Variants in ACAP1 observed in about 807,000 individuals in gnomAD.
ACAP1 encodes the protein arf-GAP with coiled-coil, ANK repeat and PH domain-containing protein 1.
A neutral mutation model predicts 98.8 loss-of-function variants in ACAP1; 45 were observed. The ratio of observed to expected loss-of-function variants is 0.46; its 90% CI spans 0.36 to 0.58. ACAP1 has a LOEUF of 0.58. Ranked by LOEUF, ACAP1 falls within the 20% of genes least tolerant of loss-of-function variation. ACAP1 has a pLI of 0.00. For synonymous variants in ACAP1, 362 were observed against 375.3 expected, an observed-to-expected ratio of 0.96 and a Z score of 0.41; for missense variants, 735 against 971.4, an observed-to-expected ratio of 0.76 and a Z score of 3.24.
chr17:7,342,755 A>G, intron 5 of ACAP1: 1 of 470,328 alleles, frequency 2.1e-6, no homozygotes, highest in Non-Finnish European at 3.9e-6. Context: ...ACGAAAAAAA[A>G]AAATTAGCCG....
chr17:7,338,581 A>G (rs80241874), intron 2 of ACAP1, among the ~76,000 whole-genome samples: 2,187 of 151,880 alleles, frequency 0.014, 58 homozygotes, highest in African/African-American at 0.05. Context: ...ATAATTTTAA[A>G]CAATGGACTG....
At chr17:7,342,765 G>A (rs918208749) in intron 5 of ACAP1, 13 of 449,458 alleles carry the variant, frequency 2.9e-5, no homozygotes, top group South Asian at 8.7e-5. Flanking sequence ...AAAATTAGCC[G>A]GGCATGGTGG....
intron 2 of ACAP1, among the ~76,000 whole-genome samples, 183 bp from the exon 3 acceptor site, chr17:7,341,765 A>T (rs904732560): frequency 6.6e-6 from 1 of 152,234 alleles, no homozygotes; most frequent in Admixed American, 6.5e-5. Context: ...AGACGCAGCG[A>T]TAAGAACACA....
Position 7,350,970 on chromosome 17 carries a change from G to C in ACAP1, c.2093G>C (p.Arg698Thr). The stretch of plus-strand genomic sequence containing the variant: ...TTCAGGCTACGACTGGCAAAGATGA[G>C]GGAGGCTGAAGCGGCCCAGGGGCAG... Reference protein sequence around the residue: ...IVTLLRLAKMREAEAAQGQAG... With the variant: ...IVTLLRLAKMTEAEAAQGQAG... The change falls in exon 21 of 22, where the codon AGG (arginine) becomes ACG (threonine). Residue 698 changes from arginine (R) to threonine (T), a missense_variant. By Grantham distance (71) the Arg-to-Thr change is moderately conservative (BLOSUM62 -1). Coordinates refer to ENST00000158762, the MANE Select transcript of ACAP1 (RefSeq NM_014716.4). The surrounding 1 kb of genome is among the most constrained non-coding windows in gnomAD (Gnocchi z 4.6). 6.2e-7 allele frequency: 1 copy of C among 1,614,176 alleles called. No individual in the cohort carries two copies. Among genetic ancestry groups the C allele is most frequent in the Non-Finnish European group, 8.5e-7 (1 of 1,180,010 alleles).
chr17:7,343,488 G>A lies in ACAP1; in HGVS notation c.454G>A (p.Ala152Thr), dbSNP rs923081541. ...AEVPRRRAQE[A>T]EEAGAALRTA... The stretch of plus-strand genomic sequence containing the variant: ...GGTTCCCAGGCGCCGGGCCCAGGAG[G>A]CAGAAGAGGCAGGAGCTGCTTTGAG... Residue 152 changes from alanine (A) to threonine (T), a missense_variant, in exon 6 of 22, where the codon GCA (alanine) becomes ACA (threonine). Around this residue, in one of 5 missense-constraint regions of ACAP1, gnomAD observed 430 missense variants for 531.8 expected, o/e 0.81. Coordinates refer to ENST00000158762, the MANE Select transcript of ACAP1 (RefSeq NM_014716.4). This position sits in a 1 kb window ranked among gnomAD's most constrained non-coding sequence, Gnocchi z 4.9. 4 of 1,614,138 alleles carry A rather than the reference G, an allele frequency of 2.5e-6. No homozygotes were observed. Among genetic ancestry groups the A allele is most frequent in the Non-Finnish European group, 3.4e-6 (4 of 1,179,994 alleles).
At chr17:7,349,280 C>T in intron 18 of ACAP1, 113 bp downstream of exon 18, 1 of 1,170,834 alleles carries the variant, frequency 8.5e-7, no homozygotes, top group Middle Eastern at 2.5e-4. Context: ...GGCTTCCACC[C>T]ATAGGGAGAG....
chr17:7,349,378 AC>A (rs1305798768), intron 18 of ACAP1: 2 of 490,548 alleles, frequency 4.1e-6, no homozygotes, highest in Non-Finnish European at 7.1e-6. Context: ...CTTACAGGAG[AC>A]TTTTTTTTTT....
chr17:7,347,341 T>A, intron 14 of ACAP1, 99 bp downstream of exon 14: 2 of 1,179,030 alleles, frequency 1.7e-6, no homozygotes, highest in Non-Finnish European at 2.4e-6. Context: ...TTCCCTGTCC[T>A]GGCTTCCTCT....
chr17:7,350,916 A>G lies in ACAP1; in HGVS notation c.2073-34A>G. ...TGAGCCACCGCGCCCGGCCAAAGAT[A>G]GTGTCGTTCATTTCTTAATTCCCTC... On this transcript the variant is annotated intron_variant, in intron 20 of 21. Transcript: ENST00000158762. The surrounding 1 kb of genome is among the most constrained non-coding windows in gnomAD (Gnocchi z 4.6). The G allele has an allele frequency of 6.2e-7, 1 of 1,612,340 alleles. No homozygotes were observed.
At chr17:7,342,646 T>C in intron 5 of ACAP1, 172 bp downstream of exon 5, 1 of 762,410 alleles carries the variant, frequency 1.3e-6, no homozygotes, top group Non-Finnish European at 2.1e-6. Flanking sequence ...ATGCCTATGA[T>C]CCCGGCATTT....
At chr17:7,338,677 T>TAC (rs1259805309) in intron 2 of ACAP1, among the ~76,000 whole-genome samples, 6 of 152,050 alleles carry the variant, frequency 3.9e-5, no homozygotes, top group African/African-American at 1.4e-4. Context: ...GTAGCTGTGC[T>TAC]ACAGGCACAT....
At chr17:7,339,856 C>T (rs901916955) in intron 2 of ACAP1, among the ~76,000 whole-genome samples, 5 of 152,010 alleles carry the variant, frequency 3.3e-5, no homozygotes, top group South Asian at 2.1e-4. Context: ...CTGTGGTAAC[C>T]GCTGATTTGT....
chr17:7,350,218 A>G lies in ACAP1; in HGVS notation c.2053A>G (p.Asn685Asp). 5.6e-6 allele frequency: 9 copies of G among 1,614,092 alleles called. No individual in the cohort carries two copies. The highest frequency in any genetic ancestry group is 6.8e-6 in the Non-Finnish European group (8 of 1,179,952). ...TCTGACCATCGCCATGGAAACAGCC[A>G]ACGCTGACATCGTCACCCTGTAAGA... ...DPLTIAMETA[N>D]ADIVTLLRLA... Residue 685 changes from asparagine (N) to aspartate (D), a missense_variant, in exon 20 of 22, where the codon AAC becomes GAC. Coordinates refer to ENST00000158762, the MANE Select transcript of ACAP1 (RefSeq NM_014716.4). This position sits in a 1 kb window ranked among gnomAD's most constrained non-coding sequence, Gnocchi z 4.6.
chr17:7,336,530 G>C lies in ACAP1; in HGVS notation c.-205G>C. On this transcript the variant is annotated 5_prime_UTR_variant, in exon 1 of 22. Coordinates refer to ENST00000158762, the MANE Select transcript of ACAP1 (RefSeq NM_014716.4). ...CCAGGCCCCGCCCCTGCCCCTCCCAGCACTGCCTGGAAGTGTGGGGTGAGA... is the reference window on the plus strand; with the variant it reads ...CCAGGCCCCGCCCCTGCCCCTCCCACCACTGCCTGGAAGTGTGGGGTGAGA... 2 of 549,050 alleles carry C rather than the reference G, an allele frequency of 3.6e-6. No individual in the cohort carries two copies. Among genetic ancestry groups the C allele is most frequent in the African/African-American group, 1.9e-5 (1 of 52,394 alleles). 34.0% of individuals were successfully genotyped at this position (549,050 alleles called of 1,614,324 possible). A position where few individuals can be genotyped will look rare whatever the true frequency, so the allele number is the denominator to read the frequency against.
chr17:7,347,383 G>A, intron 14 of ACAP1, 141 bp downstream of exon 14: 1 of 891,156 alleles, frequency 1.1e-6, no homozygotes, highest in South Asian at 1.8e-5. Flanking sequence ...TGGGTACCAG[G>A]CCTGGGCCCA....
At chr17:7,336,976 C>T (rs1268624261) in intron 1 of ACAP1, among the ~76,000 whole-genome samples, 189 bp downstream of exon 1, 1 of 152,126 alleles carries the variant, frequency 6.6e-6, no homozygotes, top group Non-Finnish European at 1.5e-5. Flanking sequence ...CCTGCATGCT[C>T]CTCCTGGCCT....
In ACAP1 at chr17:7,350,311, G is replaced by A. The variant is rs2073392442; in HGVS notation, c.2072+74G>A. On this transcript the variant is annotated intron_variant, in intron 20 of 21. Coordinates refer to ENST00000158762, the MANE Select transcript of ACAP1 (RefSeq NM_014716.4). This position sits in a 1 kb window ranked among gnomAD's most constrained non-coding sequence, Gnocchi z 4.6. The stretch of plus-strand genomic sequence containing the variant: ...CCGCCCACCCACGTTCGGGCGGGCG[G>A]GCGGGGCTGACGCCGAAACAGAAGC... The A allele has an allele frequency of 8.1e-7, 1 of 1,240,138 alleles. No homozygotes were observed. The highest frequency in any genetic ancestry group is 1.3e-5 in the South Asian group (1 of 75,978). The allele number at this position is 1,240,138 out of a possible 1,614,324, so 76.8% of individuals were successfully genotyped here.
intron 18 of ACAP1, chr17:7,349,570 T>A: frequency 3.9e-6 from 1 of 257,894 alleles, no homozygotes; most frequent in Non-Finnish European, 7.4e-6. Context: ...AGAGATAGGG[T>A]TTCACCGTGT....
intron 1 of ACAP1, 86 bp downstream of exon 1, chr17:7,336,873 T>C: frequency 6.8e-7 from 1 of 1,471,360 alleles, no homozygotes; most frequent in Non-Finnish European, 9.5e-7. Context: ...CCAGGTCTCC[T>C]TCCAGGGAGC....
Sources: gnomAD v4.1 joint callset for allele counts (sites outside exome capture counted in the v4.1 genomes callset) on GRCh38, gnomAD v4.1.1 for gene constraint, gnomAD v4.1.1 regional missense constraint, Gnocchi (gnomAD v3.1) non-coding constraint, MANE v1.5 for transcripts, NCBI Gene and HGNC (gene_info 2026-07-23, HGNC 2026-07-21) for gene names.